The following ANKRD30BL variants were observed in gnomAD, a reference collection of about 807,000 sequenced individuals.
The protein encoded by ANKRD30BL is ankyrin repeat domain 30B like, also known as putative ankyrin repeat domain-containing protein 30B-like.
ANKRD30BL carries 20 observed loss-of-function variants against 18.4 expected under a neutral mutation model. The ratio of observed to expected loss-of-function variants is 1.09; its 90% CI spans 0.77 to 1.58. ANKRD30BL has a LOEUF of 1.58. Among genes scored for constraint, ANKRD30BL ranks in the 40% most tolerant of loss-of-function variants. The probability of loss-of-function intolerance (pLI) is 0.00; values close to 1 mark genes in which losing one functional copy is unlikely to be tolerated. For synonymous variants in ANKRD30BL, 72 were observed against 100.9 expected (o/e 0.71, Z 1.72); for missense variants, 224 against 268.6 (o/e 0.83, Z 1.16).
intron 1 of ANKRD30BL, among the ~76,000 whole-genome samples, chr2:132,224,450 C>A (rs141520965): frequency 6.6e-6 from 1 of 151,866 alleles, no homozygotes. Flanking sequence ...CGCTTTGAGG[C>A]CTTTGTTGGA....
chr2:132,205,100 C>T (rs966705137), intron 1 of ANKRD30BL, among the ~76,000 whole-genome samples: 4 of 152,204 alleles, frequency 2.6e-5, no homozygotes, highest in Admixed American at 2.6e-4. Flanking sequence ...TTTTGCTTCC[C>T]TGGATCATTT....
intron 1 of ANKRD30BL, among the ~76,000 whole-genome samples, chr2:132,251,815 C>A (rs62164982): frequency 5.4e-3 from 617 of 114,236 alleles, no homozygotes; most frequent in South Asian, 0.012. Context: ...TTTCCATCAC[C>A]TAAAAGTAAC....
At chr2:132,199,202 TA>T (rs890469263) in intron 1 of ANKRD30BL, among the ~76,000 whole-genome samples, 5 of 151,606 alleles carry the variant, frequency 3.3e-5, no homozygotes, top group Admixed American at 2.6e-4. Flanking sequence ...AAATAAAATT[TA>T]AAAAAAATTA....
chr2:132,200,090 A>G (rs1679064723), intron 1 of ANKRD30BL, among the ~76,000 whole-genome samples: 1 of 152,216 alleles, frequency 6.6e-6, no homozygotes, highest in Admixed American at 6.5e-5. Context: ...ACAAAATTCA[A>G]CAACCCTTCA....
intron 1 of ANKRD30BL, among the ~76,000 whole-genome samples, chr2:132,200,468 A>G (rs1252187345): frequency 6.6e-6 from 1 of 152,074 alleles, no homozygotes; most frequent in East Asian, 1.9e-4. Context: ...AAATCAATGT[A>G]CAAAAATCAC....
intron 1 of ANKRD30BL, among the ~76,000 whole-genome samples, chr2:132,189,468 A>G (rs1193275452): frequency 6.6e-6 from 1 of 151,622 alleles, no homozygotes; most frequent in Non-Finnish European, 1.5e-5. Context: ...TACCTCCCCC[A>G]AAGCACTGTA....
chr2:132,151,692 A>G (rs1307246708), intron 4 of ANKRD30BL, among the ~76,000 whole-genome samples: 1 of 151,808 alleles, frequency 6.6e-6, no homozygotes, highest in East Asian at 1.9e-4. Flanking sequence ...ATTAATTCCT[A>G]CTTTTGGACA....
intron 1 of ANKRD30BL, among the ~76,000 whole-genome samples, chr2:132,256,480 C>A (rs1405387133): frequency 6.6e-6 from 1 of 152,220 alleles, no homozygotes; most frequent in East Asian, 1.9e-4. Flanking sequence ...GCGCGGAGGG[C>A]GCGGGGCGGC....
At chr2:132,231,742 G>A (rs942520871) in intron 1 of ANKRD30BL, among the ~76,000 whole-genome samples, 2 of 152,180 alleles carry the variant, frequency 1.3e-5, no homozygotes, top group Admixed American at 1.3e-4. Context: ...CAAACTGCAA[G>A]GTGGCAGCGA....
chr2:132,204,480 G>GTGTA (rs1301706008), intron 1 of ANKRD30BL, among the ~76,000 whole-genome samples: 13 of 142,332 alleles, frequency 9.1e-5, no homozygotes, highest in African/African-American at 3.4e-4. Context: ...TGTATATATA[G>GTGTA]TATGTATATA....
At chr2:132,232,455 T>G (rs2104784438) in intron 1 of ANKRD30BL, among the ~76,000 whole-genome samples, 2 of 152,082 alleles carry the variant, frequency 1.3e-5, no homozygotes, top group South Asian at 4.2e-4. Context: ...TAGAAGCACG[T>G]ATAACTAGAA....
intron 3 of ANKRD30BL, 105 bp downstream of exon 3, chr2:132,156,868 A>G (rs1573802104): frequency 2.2e-6 from 1 of 451,190 alleles, no homozygotes; most frequent in East Asian, 3.5e-5. Flanking sequence ...ATTTTCATAG[A>G]AAAATAGGAA....
intron 1 of ANKRD30BL, among the ~76,000 whole-genome samples, chr2:132,198,807 G>T (rs912406212): frequency 6.6e-6 from 1 of 151,746 alleles, no homozygotes; most frequent in Non-Finnish European, 1.5e-5. Flanking sequence ...TAGTAGAGAC[G>T]ACGTTTCGCC....
chr2:132,173,453 C>T (rs1395070041), intron 1 of ANKRD30BL, among the ~76,000 whole-genome samples: 1 of 151,870 alleles, frequency 6.6e-6, no homozygotes, highest in Admixed American at 6.6e-5. Flanking sequence ...GCCACCACGC[C>T]CGGCTAATTT....
intron 1 of ANKRD30BL, among the ~76,000 whole-genome samples, chr2:132,175,605 T>C (rs574228761): frequency 2.9e-4 from 44 of 152,360 alleles, no homozygotes; most frequent in Non-Finnish European, 4.1e-4. Context: ...TTACGGGTGT[T>C]GGGCTTGGGG....
chr2:132,228,859 C>G (rs1679919349), intron 1 of ANKRD30BL, among the ~76,000 whole-genome samples: 1 of 151,002 alleles, frequency 6.6e-6, no homozygotes, highest in South Asian at 2.1e-4. Flanking sequence ...TTTGACTGAG[C>G]ACTTTGGAAA....
At chr2:132,166,029 TGG>T (rs1456579317), upstream of ANKRD30BL, among the ~76,000 whole-genome samples, 1 of 152,160 alleles carries the variant, frequency 6.6e-6, no homozygotes, top group Non-Finnish European at 1.5e-5. Context: ...AAATTATAGA[TGG>T]GTGATAGATT....
At chr2:132,183,375 C>T (rs546420717) in intron 1 of ANKRD30BL, among the ~76,000 whole-genome samples, 87 of 152,186 alleles carry the variant, frequency 5.7e-4, no homozygotes, top group Non-Finnish European at 1.1e-3. Context: ...GTGATCTGCC[C>T]GCTTTGGCCT....
At chr2:132,256,234 G>C (rs74821795) in intron 1 of ANKRD30BL, among the ~76,000 whole-genome samples, 1 of 151,788 alleles carries the variant, frequency 6.6e-6, no homozygotes, top group Non-Finnish European at 1.5e-5. Flanking sequence ...GGATGAGCCC[G>C]GCGTCCCAGT....
Sources: gnomAD v4.1 joint callset for allele counts (sites outside exome capture counted in the v4.1 genomes callset) on GRCh38, gnomAD v4.1.1 for gene constraint, MANE v1.5 for transcripts, NCBI Gene and HGNC (gene_info 2026-07-23, HGNC 2026-07-21) for gene names.